ALG13: variants seen among roughly 807,000 people sequenced by gnomAD.
The protein encoded by ALG13 is UDP-N-acetylglucosamine transferase subunit ALG13.
ALG13 carries 11 observed loss-of-function variants against 87.8 expected under a neutral mutation model. That is an observed-to-expected ratio of 0.13 (90% CI 0.08 to 0.21). The LOEUF (loss-of-function observed/expected upper bound fraction) is 0.21. Ranked by LOEUF, ALG13 falls within the 10% of genes least tolerant of loss-of-function variation. The probability of loss-of-function intolerance (pLI) is 1.00; values close to 1 mark genes in which losing one functional copy is unlikely to be tolerated. For missense variants in ALG13, 756 were observed against 866.1 expected, an observed-to-expected ratio of 0.87 and a Z score of 1.60; for synonymous variants, 320 against 306.3, an observed-to-expected ratio of 1.04 and a Z score of -0.47.
rs761937810 is a variant in ALG13 at position 111,727,407 on chromosome X, G to A, written c.2052G>A (p.Arg684=). Residue 684 remains arginine, a synonymous_variant, in exon 17 of 27, where the codon AGG becomes AGA. Coordinates refer to ENST00000394780, the MANE Select transcript of ALG13 (RefSeq NM_001099922.3). ...ATTTTTACCCAGGCCCAGGTAAAAGGTGCTGCCAGAGCTATGATAACTTCT... is the reference window on the plus strand; with the variant it reads ...ATTTTTACCCAGGCCCAGGTAAAAGATGCTGCCAGAGCTATGATAACTTCT... ...KVDFYPGPGK[R]CCQSYDNFSY... 1 of 1,209,574 alleles carries A rather than the reference G, an allele frequency of 8.3e-7. No homozygotes were observed. The highest frequency in any genetic ancestry group is 1.7e-5 in the African/African-American group (1 of 57,729).
intron 3 of ALG13, among the ~76,000 whole-genome samples, chrX:111,694,530 A>G (rs2474281): frequency 0.054 from 6,066 of 112,068 alleles, 401 homozygotes; most frequent in African/African-American, 0.19. Context: ...TTTTATTTGT[A>G]GTAATTATTT....
intron 21 of ALG13, among the ~76,000 whole-genome samples, chrX:111,731,341 C>T (rs1942665033): frequency 8.9e-6 from 1 of 111,774 alleles, no homozygotes; most frequent in Non-Finnish European, 1.9e-5. Flanking sequence ...GTTTACAGTG[C>T]TGAAGCAGGG....
intron 22 of ALG13, among the ~76,000 whole-genome samples, chrX:111,735,356 T>C (rs1943136444): frequency 8.9e-6 from 1 of 112,239 alleles, no homozygotes; most frequent in Non-Finnish European, 1.9e-5. Flanking sequence ...CATAGTCTCC[T>C]GTGAGCCTCT....
intron 3 of ALG13, among the ~76,000 whole-genome samples, chrX:111,702,394 A>G: frequency 9.0e-6 from 1 of 111,681 alleles, no homozygotes; most frequent in Non-Finnish European, 1.9e-5. Context: ...CTGCTTAACT[A>G]CGGTATTATT....
intron 3 of ALG13, chrX:111,688,304 A>G: frequency 1.4e-6 from 1 of 737,490 alleles, no homozygotes; most frequent in Non-Finnish European, 1.6e-6. Context: ...GAAAACTTTC[A>G]CAAAGATTAT....
intron 3 of ALG13, among the ~76,000 whole-genome samples, chrX:111,691,418 T>C (rs938843261): frequency 6.3e-5 from 7 of 111,963 alleles, no homozygotes; most frequent in Non-Finnish European, 1.1e-4. Context: ...GATATTTTTA[T>C]TGGGGAGTGG....
At chrX:111,722,685 T>C (rs961593321) in intron 12 of ALG13, 108 bp from the exon 13 acceptor site, 8 of 516,201 alleles carry the variant, frequency 1.5e-5, no homozygotes, top group African/African-American at 1.2e-4. Flanking sequence ...TTTTCACTTA[T>C]AGTGGTAGCG....
chrX:111,705,747 A>C (rs913849931), intron 3 of ALG13, among the ~76,000 whole-genome samples: 17 of 111,335 alleles, frequency 1.5e-4, no homozygotes, highest in African/African-American at 5.6e-4. Context: ...CTTTGTCAAA[A>C]ATCAATGGAC....
Position 111,682,139 on chromosome X carries a change from A to G in ALG13, c.89A>G (p.Glu30Gly). 8.5e-7 allele frequency: 1 copy of G among 1,176,444 alleles called. No individual in the cohort carries two copies. Among genetic ancestry groups the G allele is most frequent in the South Asian group, 2.0e-5 (1 of 50,962 alleles). Residue 30 changes from glutamate to glycine, a missense_variant, in exon 2 of 27, where the codon GAG (glutamate) becomes GGG (glycine). Around this residue, in one of 9 missense-constraint regions of ALG13, gnomAD observed 153 missense variants for 168.7 expected, o/e 0.91. Coordinates refer to ENST00000394780, the MANE Select transcript of ALG13 (RefSeq NM_001099922.3). ...TCTGATTTCCTCTTTCAGAAAATCG[A>G]GAGCCTTGGTTACAACCGACTTATC... is the stretch of plus-strand genomic sequence containing the variant. ...VSAPDSLQKIESLGYNRLILQ... is the reference protein window; with the variant it reads ...VSAPDSLQKIGSLGYNRLILQ...
At chrX:111,689,602 A>ATC (rs1450462092) in intron 3 of ALG13, 4 of 753,447 alleles carry the variant, frequency 5.3e-6, no homozygotes, top group Non-Finnish European at 6.3e-6. Flanking sequence ...TCGATTTTGG[A>ATC]TTTTTAAGTC....
At chrX:111,738,478 G>A (rs1943440643) in intron 23 of ALG13, among the ~76,000 whole-genome samples, 2 of 112,191 alleles carry the variant, frequency 1.8e-5, no homozygotes, top group African/African-American at 6.5e-5. Flanking sequence ...TTTCAAATTA[G>A]GGATACCCAC....
Position 111,690,180 on chromosome X carries a change from T to C in ALG13, c.383+5077T>C, listed in dbSNP as rs1207200909. ...AAAGAATGGTAACCAAAAGTCTGTT[T>C]GAAATGTTTGCTCTATTTGTTTGGT... On this transcript the variant is annotated intron_variant, in intron 3 of 26. Transcript: ENST00000394780. 4.0e-6 allele frequency: 3 copies of C among 751,671 alleles called. No individual in the cohort carries two copies. In the African/African-American group the frequency reaches 6.9e-5, roughly 17 times the overall value. The allele number at this position is 751,671 out of a possible 1,213,427, so 61.9% of individuals were successfully genotyped here. A position where few individuals can be genotyped will look rare whatever the true frequency, so the allele number is the denominator to read the frequency against.
At chrX:111,681,517 T>G in intron 1 of ALG13, 1 of 999,004 alleles carries the variant, frequency 1.0e-6, no homozygotes, top group South Asian at 2.6e-5. Context: ...CCTCTTCCCA[T>G]TATTCCGGCC....
chrX:111,715,696 C>A (rs376435487), intron 8 of ALG13, among the ~76,000 whole-genome samples: 1 of 112,012 alleles, frequency 8.9e-6, no homozygotes, highest in Non-Finnish European at 1.9e-5. Context: ...CCAGCCTGGG[C>A]GACAGAGCAA....
At chrX:111,730,262 C>T (rs1027002215) in intron 19 of ALG13, 133 bp from the exon 20 acceptor site, 2 of 510,590 alleles carry the variant, frequency 3.9e-6, no homozygotes, top group African/African-American at 4.8e-5. Flanking sequence ...TATCACTTTT[C>T]AGGATGTATG....
rs560260153 is a variant in ALG13 at position 111,689,291 on chromosome X, A to T, written c.383+4188A>T. ...AGGTCCTATTCAAATCCAGGGAGAG[A>T]ATCTTTAGTGTTTTCTGGGCCCTCA... On this transcript the variant is annotated intron_variant, in intron 3 of 26. Transcript: ENST00000394780. The T allele has an allele frequency of 5.3e-6, 4 of 749,872 alleles. No homozygotes were observed. In the African/African-American group the frequency reaches 6.9e-5, roughly 13 times the overall value. The allele number at this position is 749,872 out of a possible 1,213,427, so 61.8% of individuals were successfully genotyped here.
At chrX:111,708,559 A>G (rs1939178783) in intron 4 of ALG13, among the ~76,000 whole-genome samples, 166 bp downstream of exon 4, 1 of 111,752 alleles carries the variant, frequency 8.9e-6, no homozygotes, top group Admixed American at 9.5e-5. Flanking sequence ...AGCTTGGTGC[A>G]TGCCTTTGCT....
rs1379675950 is a variant in ALG13, at chrX:111,711,701, C to T, written c.861C>T (p.Tyr287=). The stretch of plus-strand genomic sequence containing the variant: ...ATGTGGAGGGATCTTTTGAGAAATA[C>T]CTGGAACGGTTGGGAGATCCCAAGG... The part of the protein sequence containing the change: ...ESYVEGSFEK[Y]LERLGDPKES... Residue 287 remains tyrosine, a synonymous_variant, in exon 6 of 27, where the codon TAC becomes TAT. Coordinates refer to ENST00000394780, the MANE Select transcript of ALG13 (RefSeq NM_001099922.3). 1 of 1,207,604 alleles carries T rather than the reference C, an allele frequency of 8.3e-7. No individual in the cohort carries two copies. The highest frequency in any genetic ancestry group is 3.0e-5 in the East Asian group (1 of 33,660).
At chrX:111,759,600 C>G in intron 26 of ALG13, 134 bp from the exon 27 acceptor site, 2 of 487,973 alleles carry the variant, frequency 4.1e-6, no homozygotes, top group Non-Finnish European at 3.3e-6. Flanking sequence ...TTAAAGTGCT[C>G]CTGCTGCAAT....
Sources: gnomAD v4.1 joint callset for allele counts (sites outside exome capture counted in the v4.1 genomes callset) on GRCh38, gnomAD v4.1.1 for gene constraint, gnomAD v4.1.1 regional missense constraint, MANE v1.5 for transcripts, NCBI Gene and HGNC (gene_info 2026-07-23, HGNC 2026-07-21) for gene names.